The following HEMK2 variants were observed in gnomAD, a reference collection of about 807,000 sequenced individuals.
The protein encoded by HEMK2 is HemK methyltransferase 2, ETF1 glutamine and histone H4 lysine, also known as methyltransferase HEMK2.
the HEMK2 span, chr21:28,626,772 C>T: frequency 1.3e-5 from 2 of 152,090 alleles, no homozygotes; most frequent in Non-Finnish European, 2.9e-5. Context: ...CCAACAAGTA[C>T]ATGAAAAGAT....
At chr21:28,658,613 T>C in the HEMK2 span, among the ~76,000 whole-genome samples, 1 of 152,034 alleles carries the variant, frequency 6.6e-6, no homozygotes, top group African/African-American at 2.4e-5. Context: ...TGTAAACAAA[T>C]ACAGCTTCCA....
the HEMK2 span, among the ~76,000 whole-genome samples, chr21:28,769,790 C>T: frequency 1.3e-5 from 2 of 152,138 alleles, no homozygotes; most frequent in Admixed American, 6.5e-5. Flanking sequence ...TTTTAGCTGT[C>T]CAGTTCCCAG....
chr21:28,854,504 C>G, the HEMK2 span, among the ~76,000 whole-genome samples: 1 of 149,688 alleles, frequency 6.7e-6, no homozygotes, highest in Admixed American at 6.8e-5. Context: ...ATATCTATAT[C>G]TATAGATATA....
the HEMK2 span, among the ~76,000 whole-genome samples, chr21:28,672,519 A>G: frequency 6.6e-6 from 1 of 152,146 alleles, no homozygotes; most frequent in Non-Finnish European, 1.5e-5. Flanking sequence ...GTTTGGTAGA[A>G]AAGAACATGC....
At chr21:28,841,424 TAA>T in the HEMK2 span, among the ~76,000 whole-genome samples, 10 of 34,170 alleles carry the variant, frequency 2.9e-4, no homozygotes, top group African/African-American at 2.2e-3. Flanking sequence ...ATTATATATA[TAA>T]AATATATATA....
At chr21:28,630,490 A>G in the HEMK2 span, among the ~76,000 whole-genome samples, 1 of 152,060 alleles carries the variant, frequency 6.6e-6, no homozygotes, top group Non-Finnish European at 1.5e-5. Flanking sequence ...ATATGTTTAT[A>G]GCAGCACTAT....
the HEMK2 span, among the ~76,000 whole-genome samples, chr21:28,829,824 CA>C: frequency 2.6e-5 from 4 of 152,178 alleles, no homozygotes; most frequent in Non-Finnish European, 5.9e-5. Context: ...TGGTTCATAT[CA>C]GAGTGAAAAT....
At chr21:28,754,229 GA>G in the HEMK2 span, among the ~76,000 whole-genome samples, 1 of 152,204 alleles carries the variant, frequency 6.6e-6, no homozygotes, top group African/African-American at 2.4e-5. Context: ...TGGAAGTGAA[GA>G]AAAGAATGGA....
At chr21:28,704,698 C>T in the HEMK2 span, among the ~76,000 whole-genome samples, 3 of 152,204 alleles carry the variant, frequency 2.0e-5, no homozygotes, top group African/African-American at 7.2e-5. Context: ...CCCTGACTTT[C>T]AGCGGTCATT....
chr21:28,773,712 C>A, the HEMK2 span, among the ~76,000 whole-genome samples: 2 of 152,116 alleles, frequency 1.3e-5, no homozygotes, highest in East Asian at 3.9e-4. Context: ...AGACAAGGAT[C>A]ATCTCTGGGA....
the HEMK2 span, among the ~76,000 whole-genome samples, chr21:28,681,694 A>C: frequency 6.6e-6 from 1 of 152,172 alleles, no homozygotes; most frequent in Non-Finnish European, 1.5e-5. Flanking sequence ...TACTGGTACC[A>C]AAACAGAGAT....
chr21:28,819,544 C>CTTTTT, the HEMK2 span, among the ~76,000 whole-genome samples: 4 of 111,900 alleles, frequency 3.6e-5, no homozygotes, highest in Non-Finnish European at 5.3e-5. Context: ...TTTTCTTTTC[C>CTTTTT]TTTTTTTTTT....
At chr21:28,801,329 G>T in the HEMK2 span, among the ~76,000 whole-genome samples, 1 of 151,906 alleles carries the variant, frequency 6.6e-6, no homozygotes, top group African/African-American at 2.4e-5. Flanking sequence ...TTTTATACTA[G>T]GACAAATTAC....
chr21:28,712,735 T>G, the HEMK2 span, among the ~76,000 whole-genome samples: 2 of 152,242 alleles, frequency 1.3e-5, no homozygotes, highest in Non-Finnish European at 2.9e-5. Context: ...AGAGAATAAA[T>G]GTTTGATCAG....
the HEMK2 span, among the ~76,000 whole-genome samples, chr21:28,784,935 G>T: frequency 6.6e-6 from 1 of 152,178 alleles, no homozygotes; most frequent in East Asian, 1.9e-4. Context: ...ACTGCCTTAT[G>T]AGCTATAACA....
At chr21:28,876,471 T>G in the HEMK2 span, 21 of 1,604,164 alleles carry the variant, frequency 1.3e-5, no homozygotes, top group South Asian at 2.4e-4. Flanking sequence ...CCTTTTGTCT[T>G]CATTATTTTC....
chr21:28,676,937 A>G, the HEMK2 span, among the ~76,000 whole-genome samples: 6 of 152,236 alleles, frequency 3.9e-5, no homozygotes, highest in Non-Finnish European at 7.3e-5. Context: ...ATGGCCGAAT[A>G]GGAACAGCTC....
At chr21:28,686,016 G>A in the HEMK2 span, among the ~76,000 whole-genome samples, 12 of 152,070 alleles carry the variant, frequency 7.9e-5, no homozygotes, top group African/African-American at 2.4e-4. Flanking sequence ...GTGGGTCTAG[G>A]GTCATTCTTA....
chr21:28,756,448 G>A, the HEMK2 span, among the ~76,000 whole-genome samples: 1 of 151,994 alleles, frequency 6.6e-6, no homozygotes, highest in Non-Finnish European at 1.5e-5. Flanking sequence ...AATGATCTCA[G>A]GAAAATCTCC....
Sources: allele counts gnomAD v4.1 joint callset (sites outside exome capture counted in the v4.1 genomes callset), GRCh38; gene constraint gnomAD v4.1.1; transcripts MANE v1.5; gene names NCBI Gene and HGNC (gene_info 2026-07-23, HGNC 2026-07-21).